Variants in SNF8 observed in about 807,000 individuals in gnomAD.
SNF8 encodes SNF8 subunit of ESCRT-II, also known as vacuolar-sorting protein SNF8.
SNF8 carries 19 observed loss-of-function variants against 36.8 expected under a neutral mutation model. The observed-to-expected ratio is 0.52, with a 90% CI of 0.36 to 0.76. SNF8 has a LOEUF of 0.76. Among genes scored for constraint, SNF8 ranks in the 30% least tolerant of loss-of-function variants. The pLI is 0.00. For missense variants in SNF8, 268 were observed against 322.9 expected (o/e 0.83, Z 1.30); for synonymous variants, 127 against 127.4 (o/e 1.00, Z 0.02).
At chr17:48,942,422 GC>G (rs2041043985) in intron 2 of SNF8, among the ~76,000 whole-genome samples, 1 of 151,832 alleles carries the variant, frequency 6.6e-6, no homozygotes, top group African/African-American at 2.4e-5. Flanking sequence ...GTGAGTGGGT[GC>G]TTTTGAAGAG....
intron 5 of SNF8, among the ~76,000 whole-genome samples, chr17:48,935,032 T>C (rs1176488557): frequency 6.6e-6 from 1 of 152,166 alleles, no homozygotes; most frequent in East Asian, 1.9e-4. Context: ...CCAGCCTTTC[T>C]AGGCACCTAC....
chr17:48,936,968 C>T, intron 4 of SNF8, 52 bp downstream of exon 4: 1 of 1,294,620 alleles, frequency 7.7e-7, no homozygotes, highest in Non-Finnish European at 1.1e-6. Context: ...TTACGGTTTT[C>T]TCCCTCTCAG....
At chr17:48,943,829 T>A in intron 2 of SNF8, 96 bp downstream of exon 2, 1 of 1,123,488 alleles carries the variant, frequency 8.9e-7, no homozygotes, top group African/African-American at 1.5e-5. Context: ...ACACCCTATT[T>A]CTAGTTCAAT....
chr17:48,941,816 G>A (rs1038685624), intron 2 of SNF8, among the ~76,000 whole-genome samples: 6 of 151,818 alleles, frequency 4.0e-5, no homozygotes, highest in African/African-American at 9.7e-5. Context: ...TCAGCCTCCC[G>A]ACTAGTTGGG....
intron 2 of SNF8, among the ~76,000 whole-genome samples, chr17:48,943,306 C>CA (rs1030347497): frequency 1.5e-4 from 23 of 150,764 alleles, no homozygotes; most frequent in East Asian, 7.8e-4. Context: ...CCTGCCTCTA[C>CA]AAAAAAAAAT....
At chr17:48,935,134 G>A (rs1293113650) in intron 5 of SNF8, among the ~76,000 whole-genome samples, 1 of 152,010 alleles carries the variant, frequency 6.6e-6, no homozygotes, top group Non-Finnish European at 1.5e-5. Flanking sequence ...ACTTTGGGAA[G>A]CTGAGGCAGG....
At chr17:48,941,790 A>G (rs1184317296) in intron 2 of SNF8, among the ~76,000 whole-genome samples, 2 of 152,034 alleles carry the variant, frequency 1.3e-5, no homozygotes, top group Non-Finnish European at 2.9e-5. Flanking sequence ...TCCCAGTTCA[A>G]GTTGATTCTC....
At chr17:48,940,072 CAA>C (rs34067220) in intron 3 of SNF8, among the ~76,000 whole-genome samples, 172 of 91,420 alleles carry the variant, frequency 1.9e-3, no homozygotes, top group African/African-American at 6.6e-3. Context: ...AAGACTGTCT[CAA>C]AAAAAAAAAA....
chr17:48,934,956 A>C (rs1285378611), intron 5 of SNF8, among the ~76,000 whole-genome samples: 1 of 152,060 alleles, frequency 6.6e-6, no homozygotes, highest in Non-Finnish European at 1.5e-5. Flanking sequence ...CTCAAACTGG[A>C]CTCGCACATA....
chr17:48,939,071 A>G (rs1428767032), intron 3 of SNF8, among the ~76,000 whole-genome samples: 1 of 150,840 alleles, frequency 6.6e-6, no homozygotes, highest in Non-Finnish European at 1.5e-5. Context: ...AACCCGGCCA[A>G]GATGGTGAAA....
At chr17:48,941,729 C>T (rs960636687) in intron 2 of SNF8, among the ~76,000 whole-genome samples, 4 of 151,306 alleles carry the variant, frequency 2.6e-5, no homozygotes, top group Non-Finnish European at 5.9e-5. Flanking sequence ...CTTGCTTTGT[C>T]GCCCAGGTTG....
chr17:48,935,119 C>T (rs2040915588), intron 5 of SNF8, among the ~76,000 whole-genome samples: 2 of 152,112 alleles, frequency 1.3e-5, no homozygotes, highest in Non-Finnish European at 2.9e-5. Flanking sequence ...ACCTGTAATC[C>T]CAGCACTTTG....
chr17:48,944,519 C>T (rs1051130373), intron 1 of SNF8, among the ~76,000 whole-genome samples, 162 bp downstream of exon 1: 9 of 152,192 alleles, frequency 5.9e-5, no homozygotes, highest in Non-Finnish European at 1.2e-4. Context: ...CATCTGGGAA[C>T]GCTGCCAATC....
chr17:48,936,286 A>C, intron 4 of SNF8, 44 bp from the exon 5 acceptor site: 1 of 1,468,208 alleles, frequency 6.8e-7, no homozygotes. Context: ...GAGATTACCC[A>C]CTTTAAATAA....
At chr17:48,939,991 CT>C (rs1338141311) in intron 3 of SNF8, among the ~76,000 whole-genome samples, 5 of 146,240 alleles carry the variant, frequency 3.4e-5, no homozygotes, top group African/African-American at 1.3e-4. Flanking sequence ...ACAAGAATTG[CT>C]TCAACCTGGG....
rs1291390841 is a variant in SNF8, at chr17:48,940,944, A to G, written c.224T>C (p.Ile75Thr). The G allele has an allele frequency of 8.7e-6, 14 of 1,612,524 alleles. No homozygotes were observed. The highest frequency in any genetic ancestry group is 1.7e-5 in the Admixed American group (1 of 59,988). The change falls in exon 3 of 8, where the codon ATT becomes ACT. Residue 75 changes from isoleucine (I) to threonine (T), a missense_variant. Transcript: ENST00000502492. ...RVQFQDMCAT[I>T]GVDPLASGKG... Reference sequence around the variant, plus strand: ...CTTACAGGCCAGCGGATCCACGCCAATGGTTGCACACATGTCCTGGAACTG... The same window carrying G: ...CTTACAGGCCAGCGGATCCACGCCAGTGGTTGCACACATGTCCTGGAACTG...
At position 48,944,773 on chromosome 17, in the gene SNF8, C is replaced by A; in HGVS notation, c.-39G>T. ...CCGCGGGCCGCCCGGCTGCCGGGAC[C>A]CCGGGTCTCCACGTCCCGGACTCCG... is the stretch of plus-strand genomic sequence containing the variant. On this transcript the variant is annotated 5_prime_UTR_variant, in exon 1 of 8. Coordinates refer to ENST00000502492, the MANE Select transcript of SNF8 (RefSeq NM_007241.4). The A allele has an allele frequency of 6.3e-7, 1 of 1,577,998 alleles. No homozygotes were observed. The highest frequency in any genetic ancestry group is 1.4e-5 in the African/African-American group (1 of 71,706).
intron 3 of SNF8, 112 bp downstream of exon 3, chr17:48,940,812 C>T: frequency 8.0e-7 from 1 of 1,254,716 alleles, no homozygotes; most frequent in Non-Finnish European, 1.1e-6. Flanking sequence ...TCCTCTGGGT[C>T]TTCCTGCAGG....
chr17:48,931,366 A>G (rs1567783545), intron 7 of SNF8, among the ~76,000 whole-genome samples: 1 of 152,310 alleles, frequency 6.6e-6, no homozygotes, highest in Non-Finnish European at 1.5e-5. Context: ...CTGACCAGCA[A>G]CTCCAGGCTC....
Sources: gnomAD v4.1 joint callset for allele counts (sites outside exome capture counted in the v4.1 genomes callset) on GRCh38, gnomAD v4.1.1 for gene constraint, MANE v1.5 for transcripts, NCBI Gene and HGNC (gene_info 2026-07-23, HGNC 2026-07-21) for gene names.